MTAP: variants seen among roughly 807,000 people sequenced by gnomAD.
MTAP encodes S-methyl-5'-thioadenosine phosphorylase.
MTAP carries 33 observed loss-of-function variants against 33.6 expected under a neutral mutation model. That is an observed-to-expected ratio of 0.98 (90% CI 0.74 to 1.31). The LOEUF (loss-of-function observed/expected upper bound fraction) is 1.31. Ranked by LOEUF, MTAP falls within the 40% of genes most tolerant of loss-of-function variation. MTAP has a pLI of 0.00. For missense variants in MTAP, 367 were observed against 360.0 expected (o/e 1.02, Z -0.16); for synonymous variants, 148 against 125.7 (o/e 1.18, Z -1.19).
At position 21,851,277 on chromosome 9, in the gene MTAP, G is replaced by C. The variant is rs112070472; in HGVS notation, c.451-3354G>C. Among the ~76,000 whole-genome samples, 345 of 152,324 alleles carry C rather than the reference G, an allele frequency of 2.3e-3. 2 individuals are homozygous for C. The highest frequency in any genetic ancestry group is 8.1e-3 in the African/African-American group (338 of 41,566). ...TAGAAGAAGGTAGTCATCGATACCA[G>C]CTACAACCATGTGACCAGCTACAGA... is the stretch of plus-strand genomic sequence containing the variant. On this transcript the variant is annotated intron_variant, in intron 5 of 7. Coordinates refer to ENST00000644715, the MANE Select transcript of MTAP (RefSeq NM_002451.4).
intron 1 of MTAP, among the ~76,000 whole-genome samples, chr9:21,899,642 G>A (rs1818356544): frequency 6.7e-6 from 1 of 150,278 alleles, no homozygotes; most frequent in Non-Finnish European, 1.5e-5. Flanking sequence ...CATGCCAGAT[G>A]CTTATAAAAC....
chr9:21,886,748 G>T (rs369386725), intron 1 of MTAP, among the ~76,000 whole-genome samples: 19 of 152,266 alleles, frequency 1.2e-4, no homozygotes, highest in African/African-American at 4.6e-4. Flanking sequence ...TTGGATATAA[G>T]TATTGGACTT....
intron 1 of MTAP, among the ~76,000 whole-genome samples, chr9:21,879,792 G>T (rs1260330604): frequency 1.3e-5 from 2 of 152,050 alleles, no homozygotes; most frequent in Non-Finnish European, 2.9e-5. Context: ...TGCTTAGGAA[G>T]CTTAGTTCGG....
At chr9:21,869,661 C>G (rs1825907927), downstream of MTAP, among the ~76,000 whole-genome samples, 1 of 152,154 alleles carries the variant, frequency 6.6e-6, no homozygotes, top group African/African-American at 2.4e-5. Context: ...GTCCTTGACT[C>G]TTCTCTTCAA....
chr9:21,868,503 A>G (rs2118628540), downstream of MTAP, among the ~76,000 whole-genome samples: 1 of 152,236 alleles, frequency 6.6e-6, no homozygotes, highest in East Asian at 1.9e-4. Context: ...TGCCTCCCTC[A>G]CTGTTCTGTA....
rs189091999 is a variant in MTAP, at chr9:21,879,018, G to C, written c.147+24148G>C. On this transcript the variant is annotated intron_variant, in intron 1 of 1. Transcript: ENST00000577563. The stretch of plus-strand genomic sequence containing the variant: ...AGTATTTGCCATGTGGCAGTGAGAA[G>C]AATGTATATTCTCTTGGGTTAGGGT... 2.0e-3 allele frequency among the ~76,000 whole-genome samples: 305 copies of C among 152,294 alleles called. 1 individual carries two copies. The highest frequency in any genetic ancestry group is 6.9e-3 in the African/African-American group (288 of 41,564).
At position 21,863,837 on chromosome 9, in the gene MTAP, C is replaced by G. The variant is rs187028661; in HGVS notation, c.*1823C>G. The G allele has an allele frequency of 9.1e-6, 9 of 985,760 alleles. No individual in the cohort carries two copies. In the African/African-American group the frequency reaches 1.0e-4, roughly 11 times the overall value. The allele number at this position is 985,760 out of a possible 1,614,324, so 61.1% of individuals were successfully genotyped here. A position where few individuals can be genotyped will look rare whatever the true frequency, so the allele number is the denominator to read the frequency against. ...AAGATAATAAGCTGCTAATTGTAAA[C>G]AAAACAGTTACCCTCCAGTATTAAT... On this transcript the variant is annotated 3_prime_UTR_variant, in exon 8 of 8. Coordinates refer to ENST00000644715, the MANE Select transcript of MTAP (RefSeq NM_002451.4).
At position 21,865,174 on chromosome 9, in the gene MTAP, T is replaced by C. The variant is rs1228548595; in HGVS notation, c.*3160T>C. Reference sequence around the variant, plus strand: ...GACCCAGTGGGAGGTAATTAAATCATGGGGGTGGTTACCCCCACACTGCTG... The same window carrying C: ...GACCCAGTGGGAGGTAATTAAATCACGGGGGTGGTTACCCCCACACTGCTG... On this transcript the variant is annotated 3_prime_UTR_variant, in exon 8 of 8. Transcript: ENST00000644715. 29 of 832,868 alleles carry C rather than the reference T, an allele frequency of 3.5e-5. No homozygotes were observed. The highest frequency in any genetic ancestry group is 1.2e-3 in the Middle Eastern group (2 of 1,654). 51.6% of individuals were successfully genotyped at this position (832,868 alleles called of 1,614,324 possible).
chr9:21,899,502 A>G (rs1418595607), intron 1 of MTAP, among the ~76,000 whole-genome samples: 1 of 152,022 alleles, frequency 6.6e-6, no homozygotes, highest in African/African-American at 2.4e-5. Flanking sequence ...TAAAGGAGAG[A>G]GGTTCAGTTG....
intron 4 of MTAP, among the ~76,000 whole-genome samples, chr9:21,820,875 CT>C (rs1481636891): frequency 6.6e-6 from 1 of 152,102 alleles, no homozygotes; most frequent in Non-Finnish European, 1.5e-5. Context: ...GTATTTTATT[CT>C]CTTTGAAGCA....
At chr9:21,851,309 G>C (rs1019243802) in intron 5 of MTAP, among the ~76,000 whole-genome samples, 2 of 152,038 alleles carry the variant, frequency 1.3e-5, no homozygotes, top group Non-Finnish European at 2.9e-5. Flanking sequence ...CAGAAATGAG[G>C]ACTGTAATTG....
chr9:21,901,107 A>G (rs1412285908), intron 1 of MTAP, among the ~76,000 whole-genome samples: 2 of 152,204 alleles, frequency 1.3e-5, no homozygotes, highest in Non-Finnish European at 2.9e-5. Flanking sequence ...CTGTATACCA[A>G]ACTCCATGAC....
intron 1 of MTAP, among the ~76,000 whole-genome samples, chr9:21,906,377 C>A (rs959261789): frequency 6.6e-6 from 1 of 151,984 alleles, no homozygotes; most frequent in Non-Finnish European, 1.5e-5. Flanking sequence ...AAGGGTTAAA[C>A]GTCAGACTGA....
chr9:21,855,406 A>AT, intron 6 of MTAP, among the ~76,000 whole-genome samples: 1 of 152,248 alleles, frequency 6.6e-6, no homozygotes, highest in Admixed American at 6.5e-5. Flanking sequence ...AAGAAATAGA[A>AT]TGGTGAGGTA....
intron 1 of MTAP, among the ~76,000 whole-genome samples, chr9:21,900,290 A>C (rs1818369523): frequency 6.6e-6 from 1 of 152,210 alleles, no homozygotes; most frequent in Non-Finnish European, 1.5e-5. Flanking sequence ...AACTGACTCT[A>C]ATATCCAGAA....
chr9:21,894,942 AT>A (rs1380479508), intron 1 of MTAP, among the ~76,000 whole-genome samples: 1 of 152,190 alleles, frequency 6.6e-6, no homozygotes, highest in Non-Finnish European at 1.5e-5. Context: ...CACGAAAAGA[AT>A]AAAATACCTA....
At chr9:21,872,215 A>T (rs556300607) in intron 1 of MTAP, among the ~76,000 whole-genome samples, 2 of 152,298 alleles carry the variant, frequency 1.3e-5, no homozygotes, top group African/African-American at 4.8e-5. Context: ...CAGGAGGCTG[A>T]GCTTAGCAGG....
At chr9:21,811,935 T>C (rs563695986) in intron 1 of MTAP, 1 of 331,902 alleles carries the variant, frequency 3.0e-6, no homozygotes, top group South Asian at 2.7e-5. Context: ...ACCAACAAAG[T>C]AGCTGCTGTT....
At chr9:21,853,002 C>T (rs79520573) in intron 5 of MTAP, among the ~76,000 whole-genome samples, 1 of 152,152 alleles carries the variant, frequency 6.6e-6, no homozygotes, top group Admixed American at 6.6e-5. Context: ...AGACCTGGAC[C>T]TTGACCCTGT....
Sources: allele counts gnomAD v4.1 joint callset (sites outside exome capture counted in the v4.1 genomes callset), GRCh38; gene constraint gnomAD v4.1.1; transcripts MANE v1.5; gene names NCBI Gene and HGNC (gene_info 2026-07-23, HGNC 2026-07-21).